CD44: variants seen among roughly 807,000 people sequenced by gnomAD.
CD44 encodes the protein CD44 antigen.
Under a neutral mutation model 88.8 loss-of-function variants are expected in CD44, and 49 were observed. The observed-to-expected ratio is 0.55, with a 90% CI of 0.44 to 0.70. CD44 has a LOEUF of 0.70. Ranked by LOEUF, CD44 falls within the 30% of genes least tolerant of loss-of-function variation. CD44 has a pLI of 0.00. For missense variants in CD44, 883 were observed against 913.8 expected (o/e 0.97, Z 0.43); for synonymous variants, 325 against 312.3 (o/e 1.04, Z -0.43).
intron 15 of CD44, among the ~76,000 whole-genome samples, chr11:35,215,887 A>C (rs1449543685): frequency 2.7e-5 from 4 of 150,524 alleles, no homozygotes; most frequent in African/African-American, 7.4e-5. Context: ...AAACCAAAAA[A>C]CAAAAAACAA....
At chr11:35,189,156 C>T (rs1040465060) in intron 4 of CD44, among the ~76,000 whole-genome samples, 1 of 152,086 alleles carries the variant, frequency 6.6e-6, no homozygotes, top group African/African-American at 2.4e-5. Context: ...TTGTTGAAAC[C>T]ACAGATGTTG....
At chr11:35,220,913 G>A (rs1462666064) in intron 16 of CD44, among the ~76,000 whole-genome samples, 3 of 151,802 alleles carry the variant, frequency 2.0e-5, no homozygotes, top group Non-Finnish European at 4.4e-5. Context: ...ATTACAGCAT[G>A]CCACCATGCC....
At chr11:35,158,022 G>T (rs530223304) in intron 1 of CD44, among the ~76,000 whole-genome samples, 2 of 152,184 alleles carry the variant, frequency 1.3e-5, no homozygotes, top group East Asian at 1.9e-4. Context: ...AAAGGAGCCC[G>T]ATTATCTGTT....
chr11:35,181,231 C>T (rs1034280181), intron 3 of CD44, among the ~76,000 whole-genome samples: 1 of 152,062 alleles, frequency 6.6e-6, no homozygotes. Flanking sequence ...ATATCCCTTA[C>T]CCAACAGTTG....
chr11:35,189,576 T>C (rs1031327913), intron 4 of CD44, among the ~76,000 whole-genome samples: 29 of 152,180 alleles, frequency 1.9e-4, no homozygotes, highest in African/African-American at 7.0e-4. Flanking sequence ...AGTTGCCTTG[T>C]CCAGAGCTCT....
chr11:35,174,380 G>A (rs1213099023), intron 1 of CD44, among the ~76,000 whole-genome samples: 2 of 152,168 alleles, frequency 1.3e-5, no homozygotes, highest in Non-Finnish European at 2.9e-5. Context: ...GGCACTTGGG[G>A]CATTGTCCCA....
chr11:35,204,055 G>A (rs1489187942), intron 9 of CD44, among the ~76,000 whole-genome samples: 1 of 152,140 alleles, frequency 6.6e-6, no homozygotes. Flanking sequence ...GTGCGATTAT[G>A]GGTTACATGA....
intron 1 of CD44, among the ~76,000 whole-genome samples, chr11:35,144,399 G>T (rs1295747578): frequency 6.6e-6 from 1 of 152,302 alleles, no homozygotes; most frequent in East Asian, 1.9e-4. Flanking sequence ...GAAATTCTGG[G>T]GTTTGCACAG....
At chr11:35,154,738 C>T (rs1373640408) in intron 1 of CD44, among the ~76,000 whole-genome samples, 1 of 152,186 alleles carries the variant, frequency 6.6e-6, no homozygotes, top group Non-Finnish European at 1.5e-5. Flanking sequence ...ATGCATCAAA[C>T]CATCATGTGT....
chr11:35,223,757 C>G (rs1390494916), intron 17 of CD44, among the ~76,000 whole-genome samples: 1 of 152,178 alleles, frequency 6.6e-6, no homozygotes, highest in African/African-American at 2.4e-5. Flanking sequence ...TGTACGGGCC[C>G]CTTAATGGGC....
At chr11:35,170,060 T>C (rs1276243499) in intron 1 of CD44, among the ~76,000 whole-genome samples, 1 of 152,210 alleles carries the variant, frequency 6.6e-6, no homozygotes, top group Non-Finnish European at 1.5e-5. Flanking sequence ...TGTGCAATGC[T>C]CATTGGCTCT....
At chr11:35,227,914 C>T (rs921353937) in intron 17 of CD44, among the ~76,000 whole-genome samples, 3 of 152,320 alleles carry the variant, frequency 2.0e-5, no homozygotes, top group Middle Eastern at 3.4e-3. Flanking sequence ...AGTTATTAAA[C>T]CTCTTTTGGC....
intron 10 of CD44, chr11:35,205,872 A>G (rs1947786299): frequency 7.0e-6 from 8 of 1,144,290 alleles, no homozygotes; most frequent in Non-Finnish European, 8.6e-6. Context: ...GCACTGCGGG[A>G]GTTGTTAATG....
intron 1 of CD44, among the ~76,000 whole-genome samples, chr11:35,147,108 C>T (rs1367759788): frequency 6.6e-6 from 1 of 152,120 alleles, no homozygotes; most frequent in African/African-American, 2.4e-5. Context: ...GTTGTTTGTT[C>T]ATTATCACTT....
intron 15 of CD44, 56 bp downstream of exon 15, chr11:35,214,970 A>G: frequency 9.1e-7 from 1 of 1,101,960 alleles, no homozygotes. Context: ...CCTAATGATG[A>G]CTACCAACGA....
intron 1 of CD44, among the ~76,000 whole-genome samples, chr11:35,174,275 A>C (rs1196604472): frequency 1.3e-5 from 2 of 152,238 alleles, no homozygotes; most frequent in African/African-American, 4.8e-5. Context: ...ACCCACCACT[A>C]GAACTGTGCA....
In CD44 at chr11:35,201,138, T is replaced by A; in HGVS notation, c.979T>A (p.Trp327Arg). ...AAAACAGAACCAGGACTGGACCCAG[T>A]GGAACCCAAGCCATTCAAATCCGGA... ...HTKQNQDWTQ[W>R]NPSHSNPEVL... The change falls in exon 8 of 18, where the codon TGG (tryptophan) becomes AGG (arginine). Residue 327 changes from tryptophan (W) to arginine (R), a missense_variant. Coordinates refer to ENST00000428726, the MANE Select transcript of CD44 (RefSeq NM_000610.4). The A allele has an allele frequency of 6.2e-7, 1 of 1,614,152 alleles. No individual in the cohort carries two copies. Among genetic ancestry groups the A allele is most frequent in the Non-Finnish European group, 8.5e-7 (1 of 1,179,966 alleles).
At chr11:35,183,061 T>C (rs1945309018) in intron 3 of CD44, among the ~76,000 whole-genome samples, 4 of 152,168 alleles carry the variant, frequency 2.6e-5, no homozygotes. Context: ...GGAGGGTTAG[T>C]TCAGTTGAAA....
intron 11 of CD44, among the ~76,000 whole-genome samples, chr11:35,207,039 C>G (rs554352636): frequency 4.6e-5 from 7 of 152,168 alleles, no homozygotes; most frequent in Non-Finnish European, 7.3e-5. Flanking sequence ...TTGAAGGACT[C>G]TACTTATAAG....
Sources: gnomAD v4.1 joint callset for allele counts (sites outside exome capture counted in the v4.1 genomes callset) on GRCh38, gnomAD v4.1.1 for gene constraint, MANE v1.5 for transcripts, NCBI Gene and HGNC (gene_info 2026-07-23, HGNC 2026-07-21) for gene names.